Variants in PDE4DIP observed in about 807,000 individuals in gnomAD.
PDE4DIP encodes myomegalin.
Under a neutral mutation model 221.4 loss-of-function variants are expected in PDE4DIP, and 59 were observed. The ratio of observed to expected loss-of-function variants is 0.27; its 90% CI spans 0.22 to 0.33. PDE4DIP has a LOEUF of 0.33. Ranked by LOEUF, PDE4DIP falls within the 10% of genes least tolerant of loss-of-function variation. The pLI is 1.00. For missense variants in PDE4DIP, 1,036 were observed against 2,154.2 expected (o/e 0.48, Z 10.28); for synonymous variants, 404 against 815.9 (o/e 0.50, Z 8.60).
At chr1:148,990,499 G>A in intron 21 of PDE4DIP, 1 of 256,668 alleles carries the variant, frequency 3.9e-6, no homozygotes, top group Non-Finnish European at 6.1e-6. Context: ...GGAGGAAGAA[G>A]CAAAGATAAA....
In PDE4DIP at chr1:149,009,810, G is replaced by A. The variant is rs782595370; in HGVS notation, c.4927+19G>A. On this transcript the variant is annotated intron_variant, in intron 30 of 43. Coordinates refer to ENST00000369354, the Ensembl canonical transcript of PDE4DIP. Reference sequence around the variant, plus strand: ...CACTCAGGTAGCCTCCACTTTCTGGGTGGTACCATCTTTGTCTAGGCTGAG... The same window carrying A: ...CACTCAGGTAGCCTCCACTTTCTGGATGGTACCATCTTTGTCTAGGCTGAG... 2 of 1,491,338 alleles carry A rather than the reference G, an allele frequency of 1.3e-6. No homozygotes were observed. Among genetic ancestry groups the A allele is most frequent in the South Asian group, 1.1e-5 (1 of 88,502 alleles). 92.4% of individuals were successfully genotyped at this position (1,491,338 alleles called of 1,614,324 possible). A position where few individuals can be genotyped will look rare whatever the true frequency, so the allele number is the denominator to read the frequency against.
Position 148,912,393 on chromosome 1 carries a change from AC to A in PDE4DIP, c.142-16803del, listed in dbSNP as rs2042942037. ...AGATAAATTTTAACAAATGTATACCACTGTATAACAAACACCACACAATCAA... is the reference window on the plus strand; with the variant it reads ...AGATAAATTTTAACAAATGTATACCATGTATAACAAACACCACACAATCAA... On this transcript the variant is annotated intron_variant, in intron 1 of 43. Transcript: ENST00000369354. 2.2e-5 allele frequency among the ~76,000 whole-genome samples: 3 copies of A among 135,758 alleles called. No homozygotes were observed. The South Asian group carries it at 7.2e-4, about 33-fold the overall frequency. 89.1% of individuals were successfully genotyped at this position (135,758 alleles called of 152,430 possible). A position where few individuals can be genotyped will look rare whatever the true frequency, so the allele number is the denominator to read the frequency against.
In PDE4DIP at chr1:148,972,306, GT is replaced by G; in HGVS notation, c.2109del (p.Thr704ProfsTer26). On this transcript the variant is annotated frameshift_variant, in exon 15 of 44. Transcript: ENST00000369354. LOFTEE classifies it high-confidence loss of function. Reference sequence around the variant, plus strand: ...ACCCATCTCTAACCAACAAGCTGAAGTTACCCCCACTGGCCGTCTTGGAAAA... The same window carrying G: ...ACCCATCTCTAACCAACAAGCTGAAGTACCCCCACTGGCCGTCTTGGAAAA... The G allele has an allele frequency of 1.1e-6, 1 of 940,424 alleles. No homozygotes were observed. The highest frequency in any genetic ancestry group is 1.6e-5 in the African/African-American group (1 of 60,788). The allele number at this position is 940,424 out of a possible 1,614,324, so 58.3% of individuals were successfully genotyped here. A position where few individuals can be genotyped will look rare whatever the true frequency, so the allele number is the denominator to read the frequency against.
At position 148,844,417 on chromosome 1, in the gene PDE4DIP, T is replaced by C. The variant is rs1442190643; in HGVS notation, c.234-18833T>C. ...GACAGCTCAGCTGGTGCCGAGCAACTCGTGCCAGCCAGTCGTGTCTCAGCC... is the reference window on the plus strand; with the variant it reads ...GACAGCTCAGCTGGTGCCGAGCAACCCGTGCCAGCCAGTCGTGTCTCAGCC... On this transcript the variant is annotated intron_variant, in intron 1 of 45. Transcript: ENST00000524974. 1 of 251,720 alleles carries C rather than the reference T, an allele frequency of 4.0e-6. No individual in the cohort carries two copies. Among genetic ancestry groups the C allele is most frequent in the African/African-American group, 2.4e-5 (1 of 42,328 alleles). The allele number at this position is 251,720 out of a possible 1,614,324, so 15.6% of individuals were successfully genotyped here. A position where few individuals can be genotyped will look rare whatever the true frequency, so the allele number is the denominator to read the frequency against.
exon 33 of PDE4DIP, chr1:149,016,404 G>A (rs2070577829): frequency 8.4e-7 from 1 of 1,193,362 alleles, no homozygotes; most frequent in East Asian, 2.3e-5. Flanking sequence ...TCTCCTCCAA[G>A]GGGCACCATA....
At position 148,978,140 on chromosome 1, in the gene PDE4DIP, G is replaced by A. The variant is rs587709202; in HGVS notation, c.2436+87G>A. 103 of 1,349,098 alleles carry A rather than the reference G, an allele frequency of 7.6e-5. No homozygotes were observed. The East Asian group carries it at 1.8e-3, about 23-fold the overall frequency. The allele number at this position is 1,349,098 out of a possible 1,614,324, so 83.6% of individuals were successfully genotyped here. A position where few individuals can be genotyped will look rare whatever the true frequency, so the allele number is the denominator to read the frequency against. On this transcript the variant is annotated intron_variant, in intron 18 of 43. Coordinates refer to ENST00000369354, the Ensembl canonical transcript of PDE4DIP. The stretch of plus-strand genomic sequence containing the variant: ...TCTTCAGACAATATTTGCACACATC[G>A]AATCCCTTGGCCAGTGATTATCCAT...
At chr1:148,994,562 T>C (rs1326959317) in intron 22 of PDE4DIP, among the ~76,000 whole-genome samples, 1 of 147,784 alleles carries the variant, frequency 6.8e-6, no homozygotes, top group Non-Finnish European at 1.5e-5. Context: ...CGTAATTGTA[T>C]ACATTTATGG....
Position 148,979,987 on chromosome 1 carries a change from C to T in PDE4DIP, c.2687+138C>T, listed in dbSNP as rs781820792. 18 of 1,155,404 alleles carry T rather than the reference C, an allele frequency of 1.6e-5. 1 individual carries two copies. The highest frequency in any genetic ancestry group is 1.3e-4 in the South Asian group (9 of 66,952). The allele number at this position is 1,155,404 out of a possible 1,614,324, so 71.6% of individuals were successfully genotyped here. A position where few individuals can be genotyped will look rare whatever the true frequency, so the allele number is the denominator to read the frequency against. On this transcript the variant is annotated intron_variant, in intron 20 of 43. Transcript: ENST00000369354. ...GGGGAGAAAAAAGAGGGACAATTAC[C>T]GGGGCTACCCACTTTGTCATTTGTT...
chr1:148,997,030 G>T (rs2064398370), intron 22 of PDE4DIP, among the ~76,000 whole-genome samples: 1 of 152,268 alleles, frequency 6.6e-6, no homozygotes, highest in Non-Finnish European at 1.5e-5. Context: ...TGTGGGGGAG[G>T]GGTGGAAAAT....
intron 1 of PDE4DIP, among the ~76,000 whole-genome samples, chr1:148,903,244 A>G: frequency 7.5e-6 from 1 of 132,710 alleles, no homozygotes. Context: ...AGCCCACTTT[A>G]TGATGGGATT....
intron 1 of PDE4DIP, among the ~76,000 whole-genome samples, chr1:148,906,508 ATCCATTGTTTCTTTGTTGACTTTCTG>A (rs1481284283): frequency 4.7e-5 from 1 of 21,230 alleles, no homozygotes; most frequent in Non-Finnish European, 9.4e-5. Flanking sequence ...TATAGTTTAA[ATCCATTGTTTCTTTGTTGACTTTCTG>A]TCTCATTGGC....
chr1:148,828,927 T>C lies in PDE4DIP; in HGVS notation c.233+20190T>C, dbSNP rs1326180270. ...CGGTTCACAGTAATTATTTATTGAA[T>C]GAATGAATGAATGAACGAATGAATG... On this transcript the variant is annotated intron_variant, in intron 1 of 45. Coordinates refer to the PDE4DIP transcript ENST00000524974. 9.3e-5 allele frequency among the ~76,000 whole-genome samples: 14 copies of C among 150,856 alleles called. No individual in the cohort carries two copies. In the East Asian group the frequency reaches 1.2e-3, roughly 12 times the overall value.
At chr1:149,032,207 G>C (rs78034674) in exon 44 of PDE4DIP, 1 of 781,928 alleles carries the variant, frequency 1.3e-6, no homozygotes, top group African/African-American at 1.7e-5. Context: ...TATGGAATAC[G>C]ATTAGCCAAG....
At chr1:148,885,847 A>G, upstream of PDE4DIP, among the ~76,000 whole-genome samples, 1 of 112,212 alleles carries the variant, frequency 8.9e-6, no homozygotes, top group Admixed American at 9.5e-5. Context: ...TATTACATAC[A>G]TAATACAACA....
At chr1:148,877,041 T>G (rs1472066403) in intron 3 of PDE4DIP, among the ~76,000 whole-genome samples, 1 of 145,992 alleles carries the variant, frequency 6.8e-6, no homozygotes, top group African/African-American at 2.8e-5. Context: ...AAAATGTATG[T>G]TCAAGGATGA....
At chr1:148,875,788 T>G (rs1407119827) in intron 3 of PDE4DIP, among the ~76,000 whole-genome samples, 1 of 151,762 alleles carries the variant, frequency 6.6e-6, no homozygotes, top group Non-Finnish European at 1.5e-5. Flanking sequence ...TAGCTAGGCA[T>G]GGTGGCACAC....
intron 9 of PDE4DIP, among the ~76,000 whole-genome samples, chr1:148,965,119 G>A (rs1286710961): frequency 2.4e-4 from 36 of 152,056 alleles, no homozygotes; most frequent in Admixed American, 8.5e-4. Flanking sequence ...TAAGAAAGAA[G>A]AGTGATGGTC....
chr1:148,820,575 A>AAG (rs1668843267), intron 1 of PDE4DIP, among the ~76,000 whole-genome samples: 1 of 140,686 alleles, frequency 7.1e-6, no homozygotes, highest in Non-Finnish European at 1.5e-5. Context: ...AAAAAAAAAA[A>AAG]AAAAAGAAAG....
chr1:148,865,175 G>A (rs12123561), intron 2 of PDE4DIP, among the ~76,000 whole-genome samples: 38 of 137,796 alleles, frequency 2.8e-4, no homozygotes, highest in Non-Finnish European at 5.2e-4. Flanking sequence ...TGCAACCTCC[G>A]CCTCCCAGGT....
Sources: gnomAD v4.1 joint callset for allele counts (sites outside exome capture counted in the v4.1 genomes callset) on GRCh38, gnomAD v4.1.1 for gene constraint, MANE v1.5 for transcripts, NCBI Gene and HGNC (gene_info 2026-07-23, HGNC 2026-07-21) for gene names.